DNHD1: variants seen among roughly 807,000 people sequenced by gnomAD.
DNHD1 encodes the protein dynein heavy chain domain 1, also known as dynein heavy chain domain-containing protein 1.
In DNHD1, 383 loss-of-function variants were observed where a neutral mutation model predicts 458.1. That is an observed-to-expected ratio of 0.84 (90% confidence interval 0.77 to 0.91). The LOEUF is 0.91. DNHD1 is among the 40% of genes least tolerant of loss of function. The pLI, the probability that DNHD1 is intolerant of heterozygous loss-of-function variation, is 0.00. For missense variants in DNHD1, 5,336 were observed against 5,866.1 expected (o/e 0.91, Z 2.95); for synonymous variants, 2,203 against 2,376.9 (o/e 0.93, Z 2.13).
At chr11:6,516,889 T>C (rs771603920) in intron 7 of DNHD1, among the ~76,000 whole-genome samples, 5 of 152,216 alleles carry the variant, frequency 3.3e-5, no homozygotes, top group Non-Finnish European at 7.3e-5. Context: ...TACTCTTATA[T>C]TGGTATCTCC....
chr11:6,529,292 A>G (rs1852778676), intron 12 of DNHD1, among the ~76,000 whole-genome samples, 171 bp downstream of exon 12: 1 of 148,706 alleles, frequency 6.7e-6, no homozygotes, highest in Non-Finnish European at 1.5e-5. Flanking sequence ...CATCAAAGCT[A>G]TGCTCACTGC....
rs1853512486 is a variant in DNHD1 at position 6,558,280 on chromosome 11, G to A, written c.8985G>A (p.Lys2995=). The A allele has an allele frequency of 6.4e-7, 1 of 1,551,364 alleles. No homozygotes were observed. The highest frequency in any genetic ancestry group is 8.7e-7 in the Non-Finnish European group (1 of 1,146,842). The part of the protein sequence containing the change: ...ENLGVKQNIK[K]EMVLQRFHQQ... The stretch of plus-strand genomic sequence containing the variant: ...TTGGTGTCAAACAGAACATCAAGAA[G>A]GAAATGGTGTTGCAGAGGTGAGGCC... Residue 2995 remains lysine (K), a synonymous_variant, in exon 25 of 43, where the codon AAG becomes AAA. Transcript: ENST00000254579.
At chr11:6,549,122 T>C in intron 24 of DNHD1, 189 bp downstream of exon 24, 2 of 654,630 alleles carry the variant, frequency 3.1e-6, no homozygotes, top group Non-Finnish European at 5.1e-6. Flanking sequence ...CATCTCTGCT[T>C]TGCTAAATCT....
intron 10 of DNHD1, among the ~76,000 whole-genome samples, chr11:6,528,137 C>G (rs939517649): frequency 6.6e-6 from 1 of 152,202 alleles, no homozygotes; most frequent in East Asian, 1.9e-4. Flanking sequence ...GCAGTGTGTT[C>G]TGTAGTTGAT....
intron 28 of DNHD1, among the ~76,000 whole-genome samples, chr11:6,561,191 T>C (rs1306856186): frequency 2.0e-5 from 3 of 152,212 alleles, no homozygotes; most frequent in Admixed American, 6.5e-5. Context: ...ATCCCAGCAC[T>C]TTGGAAGGCC....
At chr11:6,514,923 G>A (rs977947198) in intron 7 of DNHD1, among the ~76,000 whole-genome samples, 1 of 152,194 alleles carries the variant, frequency 6.6e-6, no homozygotes, top group Non-Finnish European at 1.5e-5. Context: ...ATGGTGGAGG[G>A]TATCACATAC....
intron 18 of DNHD1, among the ~76,000 whole-genome samples, chr11:6,541,407 T>C (rs1853095937): frequency 6.6e-6 from 1 of 152,262 alleles, no homozygotes. Context: ...AAACACACTC[T>C]TATTCTTAGT....
In DNHD1 at chr11:6,498,771, C is replaced by T. The variant is rs147448301; in HGVS notation, c.556C>T (p.Arg186Ter). 2.4e-5 allele frequency: 39 copies of T among 1,614,158 alleles called. No individual in the cohort carries two copies. Among genetic ancestry groups the T allele is most frequent in the African/African-American group, 1.2e-4 (9 of 75,052 alleles). Residue 186 changes from arginine (R) to a stop codon, truncating the protein, a stop_gained, in exon 3 of 43, where the codon CGA (arginine) becomes TGA (stop). Transcript: ENST00000254579. LOFTEE classifies it high-confidence loss of function. ...QVKEELATWL[R>*]PLTLPELQRC... Reference sequence around the variant, plus strand: ...AAAGGAGGAGCTGGCCACCTGGCTGCGACCATTGACACTGCCTGAGCTACA... The same window carrying T: ...AAAGGAGGAGCTGGCCACCTGGCTGTGACCATTGACACTGCCTGAGCTACA...
Position 6,558,146 on chromosome 11 carries a change from C to A in DNHD1, c.8851C>A (p.Leu2951Ile), listed in dbSNP as rs1214558857. The change falls in exon 25 of 43, where the codon CTC (leucine) becomes ATC (isoleucine). Residue 2951 changes from leucine (L) to isoleucine (I), a missense_variant. By Grantham distance (5) the Leu-to-Ile change is conservative. This residue lies in a region of DNHD1 where 3,932 missense variants were observed against 4,365.6 expected (regional missense o/e 0.90). Transcript: ENST00000254579. ...TCTGTTGGTACCCAGTGGTGTGGAT[C>A]TCACTACACTTCATCGCCTCCTGGC... ...VALLVPSGVD[L>I]TTLHRLLALA... 1.3e-6 allele frequency: 2 copies of A among 1,551,608 alleles called. No homozygotes were observed. The highest frequency in any genetic ancestry group is 2.7e-5 in the African/African-American group (2 of 73,040).
chr11:6,566,329 C>G lies in DNHD1; in HGVS notation c.11142C>G (p.Pro3714=). ...WLLQREQLSP[P]QVQPGFCLYL... is the part of the protein sequence containing the mutation. ...TGCAACGGGAGCAGCTGAGTCCACCCCAGGTGCAGCCTGGCTTCTGTCTGT... is the reference window on the plus strand; with the variant it reads ...TGCAACGGGAGCAGCTGAGTCCACCGCAGGTGCAGCCTGGCTTCTGTCTGT... Residue 3714 remains proline, a synonymous_variant, in exon 34 of 43, where the codon CCC becomes CCG. Transcript: ENST00000254579. 6.4e-7 allele frequency: 1 copy of G among 1,553,400 alleles called. No individual in the cohort carries two copies. The highest frequency in any genetic ancestry group is 1.2e-5 in the South Asian group (1 of 84,130).
At chr11:6,516,884 T>C (rs760832304) in intron 7 of DNHD1, among the ~76,000 whole-genome samples, 7 of 152,228 alleles carry the variant, frequency 4.6e-5, no homozygotes, top group Non-Finnish European at 8.8e-5. Flanking sequence ...CCCATTACTC[T>C]TATATTGGTA....
chr11:6,538,286 C>T, intron 14 of DNHD1, 97 bp from the exon 15 acceptor site: 2 of 1,192,244 alleles, frequency 1.7e-6, no homozygotes, highest in Non-Finnish European at 2.4e-6. Flanking sequence ...CTTTCTGGAC[C>T]CTACCTTCTG....
In DNHD1 at chr11:6,529,077, G is replaced by T. The variant is rs1264215198; in HGVS notation, c.2303G>T (p.Gly768Val). The T allele has an allele frequency of 2.6e-6, 4 of 1,550,554 alleles. No homozygotes were observed. The highest frequency in any genetic ancestry group is 3.5e-6 in the Non-Finnish European group (4 of 1,146,956). ...ATGCCTATCGAGTTGCTCACAAAAG[G>T]CGGGTTGCTGCTACTTAGCTGCCAT... ...SSMPIELLTKGGLLLLSCHDV... is the reference protein window; with the variant it reads ...SSMPIELLTKVGLLLLSCHDV... The change falls in exon 12 of 43, where the codon GGC (glycine) becomes GTC (valine). Residue 768 changes from glycine to valine, a missense_variant. Around this residue, in one of 4 missense-constraint regions of DNHD1, gnomAD observed 3,932 missense variants for 4,365.6 expected, o/e 0.90. Transcript: ENST00000254579.
chr11:6,508,126 A>G (rs1037857628), intron 4 of DNHD1: 13 of 152,228 alleles, frequency 8.5e-5, no homozygotes, highest in African/African-American at 2.7e-4. Flanking sequence ...ATAAAAATTA[A>G]TAAATGCTTT....
intron 31 of DNHD1, 37 bp downstream of exon 31, chr11:6,564,161 C>A (rs1431966050): frequency 2.6e-6 from 4 of 1,537,286 alleles, no homozygotes; most frequent in African/African-American, 2.7e-5. Flanking sequence ...CCCCAAAGTT[C>A]CTTTTATGCC....
rs190568442 is a variant in DNHD1 at position 6,560,391 on chromosome 11, T to C, written c.9519+1108T>C. Among the ~76,000 whole-genome samples, 33 of 152,292 alleles carry C rather than the reference T, an allele frequency of 2.2e-4. 1 individual carries two copies. Among genetic ancestry groups the C allele is most frequent in the East Asian group, 1.9e-3 (10 of 5,186 alleles). On this transcript the variant is annotated intron_variant, in intron 28 of 42. Coordinates refer to ENST00000254579, the MANE Select transcript of DNHD1 (RefSeq NM_144666.3). The stretch of plus-strand genomic sequence containing the variant: ...TACATAAATGGTATCCCCTGGAGTT[T>C]TAAAGGTACTGGTGCCCTCCTACTA...
chr11:6,514,048 A>G (rs4758425), intron 7 of DNHD1, among the ~76,000 whole-genome samples: 44,065 of 151,366 alleles, frequency 0.29, 6,866 homozygotes, highest in Admixed American at 0.37. Context: ...GGGTTTCATC[A>G]TGTTAGCCAG....
chr11:6,543,029 C>A (rs910323808), intron 18 of DNHD1, among the ~76,000 whole-genome samples: 1 of 151,994 alleles, frequency 6.6e-6, no homozygotes, highest in Non-Finnish European at 1.5e-5. Context: ...TGCCTCATAT[C>A]CCATAGAGCA....
rs370875383 is a variant in DNHD1 at position 6,539,303 on chromosome 11, G to A, written c.3410G>A (p.Arg1137Gln). The change falls in exon 17 of 43, where the codon CGA becomes CAA. Residue 1137 changes from arginine to glutamine, a missense_variant. Physicochemically the swap from Arg to Gln is conservative, Grantham distance 43. Around this residue, in one of 4 missense-constraint regions of DNHD1, gnomAD observed 3,932 missense variants for 4,365.6 expected, o/e 0.90. Transcript: ENST00000254579. ...TATCCACTGCTGGAGTTTGCAGATC[G>A]AATCAACCAGGTGGGGCCCTCAGTA... ...LTYPLLEFAD[R>Q]INQVWQNENE... 8.7e-5 allele frequency: 135 copies of A among 1,551,272 alleles called. No individual in the cohort carries two copies. In the Middle Eastern group the frequency reaches 1.7e-3, roughly 19 times the overall value.
Sources: gnomAD v4.1 joint callset for allele counts (sites outside exome capture counted in the v4.1 genomes callset) on GRCh38, gnomAD v4.1.1 for gene constraint, gnomAD v4.1.1 regional missense constraint, MANE v1.5 for transcripts, NCBI Gene and HGNC (gene_info 2026-07-23, HGNC 2026-07-21) for gene names.